PCSK2: variants seen among roughly 807,000 people sequenced by gnomAD.
PCSK2 encodes the protein proprotein convertase subtilisin/kexin type 2, also known as neuroendocrine convertase 2.
In PCSK2, 14 loss-of-function variants were observed where a neutral mutation model predicts 69.7. The ratio of observed to expected loss-of-function variants is 0.20; its 90% CI spans 0.13 to 0.31. The LOEUF (loss-of-function observed/expected upper bound fraction) is 0.31, where lower values mean the gene tolerates loss of function less well. Ranked by LOEUF, PCSK2 falls within the 10% of genes least tolerant of loss-of-function variation. The pLI, the probability that PCSK2 is intolerant of heterozygous loss-of-function variation, is 1.00. For missense variants in PCSK2, 544 were observed against 842.5 expected, an observed-to-expected ratio of 0.65 and a Z score of 4.39; for synonymous variants, 307 against 320.7, an observed-to-expected ratio of 0.96 and a Z score of 0.46.
rs553982255 is a variant in PCSK2 at position 17,452,292 on chromosome 20, C to A, written c.886-1450C>A. 5.3e-4 allele frequency among the ~76,000 whole-genome samples: 81 copies of A among 152,128 alleles called. 1 individual carries two copies. Among genetic ancestry groups the A allele is most frequent in the Non-Finnish European group, 6.8e-4 (46 of 68,036 alleles). On this transcript the variant is annotated intron_variant, in intron 8 of 11. Transcript: ENST00000262545. ...CCCTCGCTGTCCTGGTTTCTGAGAG[C>A]AGTTCCTTGTTTTGGTTGGAGTTTT... is the stretch of plus-strand genomic sequence containing the variant.
Position 17,271,550 on chromosome 20 carries a change from T to C in PCSK2, c.282+11206T>C, listed in dbSNP as rs192402601. Among the ~76,000 whole-genome samples, 63 of 152,122 alleles carry C rather than the reference T, an allele frequency of 4.1e-4. No homozygotes were observed. The East Asian group carries it at 5.6e-3, about 14-fold the overall frequency. On this transcript the variant is annotated intron_variant, in intron 2 of 11. Transcript: ENST00000262545. Reference sequence around the variant, plus strand: ...GGTCAGTTGTAAGCAAAACAGCTACTCAAGCAAGAGAATAAACGGCAAAAT... The same window carrying C: ...GGTCAGTTGTAAGCAAAACAGCTACCCAAGCAAGAGAATAAACGGCAAAAT...
chr20:17,428,135 G>A (rs910312117), intron 6 of PCSK2, among the ~76,000 whole-genome samples: 3 of 152,054 alleles, frequency 2.0e-5, no homozygotes, highest in African/African-American at 4.8e-5. Context: ...CCTCTCCCCC[G>A]CTTAAGGGCC....
chr20:17,414,547 C>G (rs1044980049), intron 6 of PCSK2, among the ~76,000 whole-genome samples: 40 of 152,248 alleles, frequency 2.6e-4, no homozygotes, highest in African/African-American at 9.6e-4. Context: ...TAATTAATAG[C>G]CTACCAACCA....
At chr20:17,435,222 G>C (rs2032459917) in intron 7 of PCSK2, among the ~76,000 whole-genome samples, 1 of 152,136 alleles carries the variant, frequency 6.6e-6, no homozygotes, top group African/African-American at 2.4e-5. Context: ...AGGTAATAAT[G>C]CCAGATATTT....
At chr20:17,303,485 TATTATATTTAATATAATATATATTA>T (rs1364938650) in intron 2 of PCSK2, among the ~76,000 whole-genome samples, 1 of 56,148 alleles carries the variant, frequency 1.8e-5, no homozygotes, top group Non-Finnish European at 3.6e-5. Context: ...ATATAATATA[TATTATATTTAATATAATATATATTA>T]TATATAATAT....
intron 4 of PCSK2, among the ~76,000 whole-genome samples, chr20:17,364,404 G>A (rs1012823641): frequency 6.6e-6 from 1 of 152,122 alleles, no homozygotes; most frequent in Non-Finnish European, 1.5e-5. Context: ...ACCCAGACTG[G>A]GTAATTTATA....
At chr20:17,313,706 A>G (rs1354716071) in intron 2 of PCSK2, among the ~76,000 whole-genome samples, 2 of 152,124 alleles carry the variant, frequency 1.3e-5, no homozygotes, top group East Asian at 1.9e-4. Flanking sequence ...TCACCCAACA[A>G]TAGGCTATAA....
intron 2 of PCSK2, among the ~76,000 whole-genome samples, chr20:17,326,904 TG>T (rs1305872071): frequency 6.6e-6 from 1 of 152,202 alleles, no homozygotes; most frequent in Non-Finnish European, 1.5e-5. Context: ...GCCTGGGATG[TG>T]GGGCTGCCTG....
chr20:17,433,516 G>C (rs2032409419), intron 7 of PCSK2, among the ~76,000 whole-genome samples: 1 of 152,242 alleles, frequency 6.6e-6, no homozygotes, highest in South Asian at 2.1e-4. Flanking sequence ...AACAGGAGCA[G>C]AGGCAGAGAG....
intron 11 of PCSK2, among the ~76,000 whole-genome samples, chr20:17,472,163 C>T (rs1461489417): frequency 6.6e-6 from 1 of 152,248 alleles, no homozygotes; most frequent in African/African-American, 2.4e-5. Context: ...ACCTGTCTAA[C>T]ACAGCTGCCC....
At chr20:17,336,611 G>A (rs978519009) in intron 2 of PCSK2, among the ~76,000 whole-genome samples, 1 of 152,218 alleles carries the variant, frequency 6.6e-6, no homozygotes, top group African/African-American at 2.4e-5. Flanking sequence ...TCTGGCTTCT[G>A]AATGTGAAGC....
At chr20:17,349,210 G>T (rs2029899474) in intron 2 of PCSK2, among the ~76,000 whole-genome samples, 3 of 152,188 alleles carry the variant, frequency 2.0e-5, no homozygotes, top group African/African-American at 7.2e-5. Context: ...AACAGGTATA[G>T]CAGGGCCTGT....
intron 2 of PCSK2, among the ~76,000 whole-genome samples, chr20:17,304,437 C>A (rs1442224252): frequency 6.6e-6 from 1 of 152,130 alleles, no homozygotes; most frequent in Non-Finnish European, 1.5e-5. Context: ...CTTTTCAATC[C>A]ATGATTTCTT....
At chr20:17,364,744 G>A (rs1474736238) in intron 4 of PCSK2, among the ~76,000 whole-genome samples, 1 of 143,070 alleles carries the variant, frequency 7.0e-6, no homozygotes, top group Non-Finnish European at 1.6e-5. Context: ...ATGATTTTGT[G>A]GCACAAGAAT....
At chr20:17,313,789 G>A (rs2123116421) in intron 2 of PCSK2, among the ~76,000 whole-genome samples, 1 of 152,260 alleles carries the variant, frequency 6.6e-6, no homozygotes, top group Non-Finnish European at 1.5e-5. Context: ...CTGACAGGCT[G>A]GAAGATAAGA....
rs749859194 is a variant in PCSK2 at position 17,360,551 on chromosome 20, A to G, written c.416A>G (p.Asp139Gly). The stretch of plus-strand genomic sequence containing the variant: ...TACCAGATCAATACTGGGCAAGCTG[A>G]TGGCACTCCTGGCCTTGATTTGAAT... ...QWYLINTGQA[D>G]GTPGLDLNVA... Residue 139 changes from aspartate (D) to glycine (G), a missense_variant, in exon 4 of 12, where the codon GAT becomes GGT. Physicochemically the swap from Asp to Gly is moderately conservative, Grantham distance 94 (BLOSUM62 -1). Coordinates refer to ENST00000262545, the MANE Select transcript of PCSK2 (RefSeq NM_002594.5). The G allele has an allele frequency of 1.9e-6, 3 of 1,611,320 alleles. No individual in the cohort carries two copies. In the Admixed American group the frequency reaches 5.0e-5, roughly 27 times the overall value.
intron 8 of PCSK2, among the ~76,000 whole-genome samples, chr20:17,448,598 G>A (rs146946702): frequency 1.8e-3 from 270 of 152,176 alleles, no homozygotes; most frequent in Non-Finnish European, 3.2e-3. Context: ...TGTCGGTGGT[G>A]AGGAGGTTGT....
At chr20:17,460,144 G>C (rs1451282893) in intron 10 of PCSK2, among the ~76,000 whole-genome samples, 1 of 152,028 alleles carries the variant, frequency 6.6e-6, no homozygotes, top group Non-Finnish European at 1.5e-5. Flanking sequence ...CTCTAGACGT[G>C]CTGGAACTCC....
At chr20:17,432,034 G>A (rs1236488483) in intron 7 of PCSK2, among the ~76,000 whole-genome samples, 1 of 152,108 alleles carries the variant, frequency 6.6e-6, no homozygotes, top group Non-Finnish European at 1.5e-5. Flanking sequence ...TCCTTCCCCA[G>A]CACCCCTCCA....
Sources: gnomAD v4.1 joint callset for allele counts (sites outside exome capture counted in the v4.1 genomes callset) on GRCh38, gnomAD v4.1.1 for gene constraint, MANE v1.5 for transcripts, NCBI Gene and HGNC (gene_info 2026-07-23, HGNC 2026-07-21) for gene names.